ZNF804B: variants seen among roughly 807,000 people sequenced by gnomAD.
The protein encoded by ZNF804B is zinc finger 804B.
ZNF804B carries 80 observed loss-of-function variants against 101.4 expected under a neutral mutation model. That is an observed-to-expected ratio of 0.79 (90% CI 0.66 to 0.95). The LOEUF is 0.95. Among genes scored for constraint, ZNF804B ranks in the 40% least tolerant of loss-of-function variants. The probability of loss-of-function intolerance (pLI) is 0.00; values close to 1 mark genes in which losing one functional copy is unlikely to be tolerated. For synonymous variants in ZNF804B, 622 were observed against 558.8 expected (o/e 1.11, Z -1.59); for missense variants, 1,673 against 1,561.9 (o/e 1.07, Z -1.20).
chr7:89,216,624 T>C (rs1298503517), intron 1 of ZNF804B, among the ~76,000 whole-genome samples: 1 of 152,198 alleles, frequency 6.6e-6, no homozygotes, highest in Non-Finnish European at 1.5e-5. Context: ...AGTTGTGCTG[T>C]TAGTTAATGG....
chr7:89,060,583 G>GA (rs1038204291), intron 1 of ZNF804B, among the ~76,000 whole-genome samples: 4 of 151,974 alleles, frequency 2.6e-5, no homozygotes, highest in Non-Finnish European at 4.4e-5. Flanking sequence ...AAATGCAGGT[G>GA]AAAAAATACA....
intron 1 of ZNF804B, among the ~76,000 whole-genome samples, chr7:88,770,870 G>A (rs1437753525): frequency 6.6e-6 from 1 of 152,136 alleles, no homozygotes; most frequent in Non-Finnish European, 1.5e-5. Context: ...ACATTTGTGA[G>A]AACAAAGAAC....
At chr7:88,790,994 A>G (rs1012380853) in intron 1 of ZNF804B, among the ~76,000 whole-genome samples, 1 of 152,096 alleles carries the variant, frequency 6.6e-6, no homozygotes, top group Non-Finnish European at 1.5e-5. Flanking sequence ...GTTACTGAAG[A>G]CAATTTGTAC....
In ZNF804B at chr7:89,333,258, A is replaced by T. The variant is rs1463625774; in HGVS notation, c.381-105A>T. ...GGTTATGTTTTAGAAGATGTAGCTC[A>T]TAAAATGTAAAATAACTCATCTTAG... On this transcript the variant is annotated intron_variant, in intron 3 of 3. Coordinates refer to ENST00000333190, the MANE Select transcript of ZNF804B (RefSeq NM_181646.5). 5.2e-6 allele frequency: 6 copies of T among 1,156,224 alleles called. No individual in the cohort carries two copies. In the East Asian group the frequency reaches 1.6e-4, roughly 30 times the overall value. The allele number at this position is 1,156,224 out of a possible 1,614,324, so 71.6% of individuals were successfully genotyped here.
chr7:89,241,566 A>G (rs1418276208), intron 2 of ZNF804B, among the ~76,000 whole-genome samples: 1 of 152,122 alleles, frequency 6.6e-6, no homozygotes, highest in Non-Finnish European at 1.5e-5. Context: ...GTACTCTAAT[A>G]CTATTGTACC....
intron 1 of ZNF804B, among the ~76,000 whole-genome samples, chr7:89,143,172 TG>T (rs940098429): frequency 2.6e-5 from 4 of 151,444 alleles, no homozygotes; most frequent in Middle Eastern, 3.4e-3. Flanking sequence ...AGTTGGAGGG[TG>T]GGGGGGTTGG....
intron 1 of ZNF804B, among the ~76,000 whole-genome samples, chr7:88,777,344 C>T (rs1267162082): frequency 6.6e-6 from 1 of 152,172 alleles, no homozygotes; most frequent in Non-Finnish European, 1.5e-5. Flanking sequence ...CTTTTCTTCT[C>T]CTAACTTCCA....
chr7:88,833,992 C>G (rs1192378928), intron 1 of ZNF804B, among the ~76,000 whole-genome samples: 2 of 151,786 alleles, frequency 1.3e-5, no homozygotes, highest in Non-Finnish European at 2.9e-5. Context: ...AGAGAAAGCT[C>G]TTATCCAGAA....
chr7:89,197,555 G>A (rs867726177), intron 1 of ZNF804B, among the ~76,000 whole-genome samples: 3 of 151,792 alleles, frequency 2.0e-5, no homozygotes, highest in Admixed American at 6.6e-5. Flanking sequence ...TACTATAAGA[G>A]TTTTCATATT....
chr7:89,177,934 CAA>C (rs34250305), intron 1 of ZNF804B, among the ~76,000 whole-genome samples: 6 of 140,456 alleles, frequency 4.3e-5, no homozygotes, highest in Non-Finnish European at 7.7e-5. Context: ...GACTCTGTCT[CAA>C]AAAAAAAAAA....
intron 2 of ZNF804B, among the ~76,000 whole-genome samples, chr7:89,221,857 C>T (rs73397162): frequency 0.033 from 4,958 of 151,882 alleles, 251 homozygotes; most frequent in African/African-American, 0.11. Context: ...AACAATGATT[C>T]GGTTTCTACT....
intron 1 of ZNF804B, among the ~76,000 whole-genome samples, chr7:88,888,753 AC>A (rs1274855981): frequency 6.6e-6 from 1 of 151,898 alleles, no homozygotes. Flanking sequence ...GTAATCCCTG[AC>A]CCTGTTTTTT....
At chr7:88,962,084 A>G (rs561278236) in intron 1 of ZNF804B, among the ~76,000 whole-genome samples, 8 of 151,406 alleles carry the variant, frequency 5.3e-5, no homozygotes, top group African/African-American at 1.9e-4. Flanking sequence ...TCAAAATGGT[A>G]TTCGACTGCA....
intron 1 of ZNF804B, among the ~76,000 whole-genome samples, chr7:89,139,619 G>GA (rs1194976558): frequency 1.1e-4 from 16 of 151,388 alleles, no homozygotes; most frequent in African/African-American, 1.7e-4. Flanking sequence ...TCAAAAAAAA[G>GA]AAAAAAAACA....
chr7:88,891,264 A>G (rs933554407), intron 1 of ZNF804B, among the ~76,000 whole-genome samples: 1 of 152,116 alleles, frequency 6.6e-6, no homozygotes, highest in African/African-American at 2.4e-5. Flanking sequence ...TGTTGAGACT[A>G]TATTTGTAGG....
chr7:89,224,477 GT>G (rs1562921767), intron 2 of ZNF804B, among the ~76,000 whole-genome samples: 1 of 151,440 alleles, frequency 6.6e-6, no homozygotes, highest in Non-Finnish European at 1.5e-5. Context: ...CCCTTTTTTT[GT>G]TTCTGCAATT....
chr7:88,872,696 A>G (rs1366326061), intron 1 of ZNF804B, among the ~76,000 whole-genome samples: 1 of 145,612 alleles, frequency 6.9e-6, no homozygotes, highest in African/African-American at 2.6e-5. Flanking sequence ...TTCAATTCCC[A>G]CCTATGAGTG....
intron 1 of ZNF804B, among the ~76,000 whole-genome samples, chr7:89,182,175 TC>T (rs762029384): frequency 1.3e-5 from 2 of 152,206 alleles, no homozygotes; most frequent in Non-Finnish European, 2.9e-5. Flanking sequence ...TTTTATTCAT[TC>T]TGTTTTCAAG....
At chr7:89,017,993 G>T (rs1348406869) in intron 1 of ZNF804B, among the ~76,000 whole-genome samples, 2 of 151,940 alleles carry the variant, frequency 1.3e-5, no homozygotes, top group Admixed American at 6.6e-5. Context: ...CTTTTTAGTT[G>T]GGATGCCCTT....
Sources: allele counts gnomAD v4.1 joint callset (sites outside exome capture counted in the v4.1 genomes callset), GRCh38; gene constraint gnomAD v4.1.1; transcripts MANE v1.5; gene names NCBI Gene and HGNC (gene_info 2026-07-23, HGNC 2026-07-21).